Variants in IL5RA observed in about 807,000 individuals in gnomAD.
IL5RA encodes interleukin-5 receptor subunit alpha.
Under a neutral mutation model 50.0 loss-of-function variants are expected in IL5RA, and 49 were observed. That is an observed-to-expected ratio of 0.98 (90% confidence interval 0.78 to 1.24). The LOEUF is 1.24. Among genes scored for constraint, IL5RA ranks in the 50% most tolerant of loss-of-function variants. IL5RA has a pLI of 0.00. For synonymous variants in IL5RA, 202 were observed against 174.0 expected, an observed-to-expected ratio of 1.16 and a Z score of -1.26; for missense variants, 600 against 500.4, an observed-to-expected ratio of 1.20 and a Z score of -1.90.
At chr3:3,105,009 C>T (rs761620840) in intron 2 of IL5RA, 22 bp from the exon 3 acceptor site, 28 of 1,461,938 alleles carry the variant, frequency 1.9e-5, no homozygotes, top group Non-Finnish European at 2.6e-5. Context: ...AAGGGAGATA[C>T]CAAAATCATC....
chr3:3,088,844 G>A (rs1364186354), intron 9 of IL5RA, among the ~76,000 whole-genome samples: 2 of 152,054 alleles, frequency 1.3e-5, no homozygotes, highest in African/African-American at 2.4e-5. Context: ...GTGCCCCTGG[G>A]GAGTAACATA....
intron 5 of IL5RA, among the ~76,000 whole-genome samples, chr3:3,098,889 T>A (rs922453453): frequency 9.2e-5 from 14 of 152,282 alleles, no homozygotes; most frequent in African/African-American, 3.4e-4. Context: ...ATATTGTCAT[T>A]TTGAGGTTGA....
rs1317120782 is a variant in IL5RA at position 3,109,936 on chromosome 3, C to A, written c.-146+9G>T. The A allele has an allele frequency of 6.6e-6, 1 of 152,154 alleles. No homozygotes were observed. The allele number at this position is 152,154 out of a possible 1,614,324, so 9.4% of individuals were successfully genotyped here. Reference sequence around the variant, plus strand: ...TCTGTGGTGAGTGAAGCATTTGATTCCCACTTACTGAGAAATGCGGTGGCC... The same window carrying A: ...TCTGTGGTGAGTGAAGCATTTGATTACCACTTACTGAGAAATGCGGTGGCC... On this transcript the variant is annotated intron_variant, in intron 1 of 11. Transcript: ENST00000446632.
In IL5RA at chr3:3,097,875, G is replaced by A; in HGVS notation, c.704C>T (p.Ala235Val). The A allele has an allele frequency of 6.2e-7, 1 of 1,612,878 alleles. No individual in the cohort carries two copies. Among genetic ancestry groups the A allele is most frequent in the Non-Finnish European group, 8.5e-7 (1 of 1,179,188 alleles). ...TTGGGTTAAGTCGGTCTTACCAATGGCGTGAAGGGCAAACAGCTGATCAAA... is the reference window on the plus strand; with the variant it reads ...TTGGGTTAAGTCGGTCTTACCAATGACGTGAAGGGCAAACAGCTGATCAAA... The part of the protein sequence containing the change: ...RPFDQLFALH[A>V]IDQINPPLNV... The change falls in exon 7 of 12, where the codon GCC (alanine) becomes GTC (valine). Residue 235 changes from alanine to valine, a missense_variant. By Grantham distance (64) the Ala-to-Val change is moderately conservative. Coordinates refer to ENST00000446632, the MANE Select transcript of IL5RA (RefSeq NM_175726.4).
Position 3,097,981 on chromosome 3 carries a change from T to C in IL5RA, c.598A>G (p.Arg200Gly), listed in dbSNP as rs1703443179. 1 of 1,614,074 alleles carries C rather than the reference T, an allele frequency of 6.2e-7. No homozygotes were observed. Among genetic ancestry groups the C allele is most frequent in the Non-Finnish European group, 8.5e-7 (1 of 1,180,036 alleles). ...LGRNIACWFP[R>G]TFILSKGRDW... is the part of the protein sequence containing the mutation. ...CGCCCTTTGCTGAGGATAAAAGTCC[T>C]GGGAAACCAGCATGCGATATTTCTC... The change falls in exon 7 of 12, where the codon AGG becomes GGG. Residue 200 changes from arginine to glycine, a missense_variant. Arg to Gly is a moderately radical substitution (Grantham distance 125). Coordinates refer to ENST00000446632, the MANE Select transcript of IL5RA (RefSeq NM_175726.4).
chr3:3,080,357 G>A (rs966777546), intron 9 of IL5RA, among the ~76,000 whole-genome samples: 1 of 152,190 alleles, frequency 6.6e-6, no homozygotes, highest in African/African-American at 2.4e-5. Context: ...TAGGAAGTGC[G>A]GAAGCCCAAC....
intron 8 of IL5RA, 47 bp downstream of exon 8, chr3:3,095,252 T>C (rs1458167730): frequency 1.4e-6 from 2 of 1,471,332 alleles, no homozygotes; most frequent in Non-Finnish European, 9.4e-7. Flanking sequence ...TAAATGTTTC[T>C]AAAACAAATG....
Position 3,070,744 on chromosome 3 carries a change from G to A in IL5RA, c.1177-433C>T, listed in dbSNP as rs534684802. 2.9e-4 allele frequency among the ~76,000 whole-genome samples: 44 copies of A among 151,760 alleles called. No homozygotes were observed. In the East Asian group the frequency reaches 6.6e-3, roughly 23 times the overall value. ...ACTACAAGTACACACCACCATGCCC[G>A]GCTAATTTTTGTATTTTTAGTAGAA... On this transcript the variant is annotated intron_variant, in intron 11 of 11. Transcript: ENST00000446632.
Position 3,106,960 on chromosome 3 carries a change from A to T in IL5RA, c.-4+1590T>A, listed in dbSNP as rs1448118463. Among the ~76,000 whole-genome samples, 4 of 152,326 alleles carry T rather than the reference A, an allele frequency of 2.6e-5. No individual in the cohort carries two copies. The East Asian group carries it at 7.7e-4, about 29-fold the overall frequency. ...TGCAATTAAATTGTTGAAGTAAATG[A>T]TAAAACTGTTGAATATCTCAGTGGA... is the stretch of plus-strand genomic sequence containing the variant. On this transcript the variant is annotated intron_variant, in intron 2 of 11. Transcript: ENST00000446632.
chr3:3,094,338 C>G (rs902308419), intron 8 of IL5RA, among the ~76,000 whole-genome samples: 2 of 152,148 alleles, frequency 1.3e-5, no homozygotes, highest in Admixed American at 6.5e-5. Flanking sequence ...ACTATTTAAC[C>G]TCATAAAAGT....
At chr3:3,085,184 G>T (rs550089016) in intron 9 of IL5RA, among the ~76,000 whole-genome samples, 1 of 152,346 alleles carries the variant, frequency 6.6e-6, no homozygotes, top group East Asian at 1.9e-4. Context: ...TCTACACAGG[G>T]AAAGCAGAAC....
At chr3:3,087,260 A>G (rs917017507) in intron 9 of IL5RA, among the ~76,000 whole-genome samples, 1 of 152,194 alleles carries the variant, frequency 6.6e-6, no homozygotes, top group African/African-American at 2.4e-5. Flanking sequence ...TGCTCTGGAA[A>G]TTCTAGGACA....
chr3:3,077,283 A>T (rs575141114), intron 9 of IL5RA, among the ~76,000 whole-genome samples: 1 of 152,338 alleles, frequency 6.6e-6, no homozygotes, highest in Non-Finnish European at 1.5e-5. Flanking sequence ...CATTTAAGGG[A>T]CAGATTCTTC....
At chr3:3,081,743 A>G (rs958193616) in intron 9 of IL5RA, among the ~76,000 whole-genome samples, 7 of 152,244 alleles carry the variant, frequency 4.6e-5, no homozygotes, top group Non-Finnish European at 8.8e-5. Flanking sequence ...TATAGAGGCA[A>G]CCCTGATTTT....
In IL5RA at chr3:3,092,216, CT is replaced by C; in HGVS notation, c.994+7del. 1 of 1,610,668 alleles carries C rather than the reference CT, an allele frequency of 6.2e-7. No individual in the cohort carries two copies. The highest frequency in any genetic ancestry group is 8.5e-7 in the Non-Finnish European group (1 of 1,179,092). ...GCTGCCAATGTAAAATAAACATAAG[CT>C]ACTTACCCACATAAATAGGTTGGCT... On this transcript the variant is annotated splice_region_variant and intron_variant, in intron 9 of 11. Coordinates refer to ENST00000446632, the MANE Select transcript of IL5RA (RefSeq NM_175726.4). The surrounding 1 kb of genome is among the most constrained non-coding windows in gnomAD (Gnocchi z 4.2).
In IL5RA at chr3:3,076,458, G is replaced by A. The variant is rs17878995; in HGVS notation, c.1091+73C>T. On this transcript the variant is annotated intron_variant, in intron 10 of 11. Transcript: ENST00000446632. ...TGATAATAAGAACCCTCTGCCTACC[G>A]GATGCATGGTAAGCCTGTAAAAATG... is the stretch of plus-strand genomic sequence containing the variant. 4.4e-5 allele frequency: 41 copies of A among 933,410 alleles called. 1 individual carries two copies. Among genetic ancestry groups the A allele is most frequent in the African/African-American group, 1.2e-4 (7 of 60,118 alleles). 57.8% of individuals were successfully genotyped at this position (933,410 alleles called of 1,614,324 possible).
intron 11 of IL5RA, 54 bp downstream of exon 11, chr3:3,074,728 C>T (rs1194884968): frequency 9.6e-7 from 1 of 1,037,408 alleles, no homozygotes; most frequent in Non-Finnish European, 1.5e-6. Context: ...TGACAGCTCC[C>T]AGGGGACTCA....
At chr3:3,106,708 G>A (rs1703937448) in intron 2 of IL5RA, among the ~76,000 whole-genome samples, 1 of 152,082 alleles carries the variant, frequency 6.6e-6, no homozygotes, top group Admixed American at 6.6e-5. Context: ...CTTAAGAACA[G>A]CAACAAAGAT....
intron 9 of IL5RA, chr3:3,089,939 T>A: frequency 3.1e-6 from 1 of 322,390 alleles, no homozygotes; most frequent in Middle Eastern, 8.9e-4. Flanking sequence ...AAGACTTTAA[T>A]CTACCCAGCA....
Sources: gnomAD v4.1 joint callset for allele counts (sites outside exome capture counted in the v4.1 genomes callset) on GRCh38, gnomAD v4.1.1 for gene constraint, Gnocchi (gnomAD v3.1) non-coding constraint, MANE v1.5 for transcripts, NCBI Gene and HGNC (gene_info 2026-07-23, HGNC 2026-07-21) for gene names.